Variants in UPRT observed in about 807,000 individuals in gnomAD.
UPRT encodes RP11-311P8.3.
Under a neutral mutation model 22.6 loss-of-function variants are expected in UPRT, and 5 were observed. The ratio of observed to expected loss-of-function variants is 0.22; its 90% CI spans 0.12 to 0.47. UPRT has a LOEUF of 0.47. Ranked by LOEUF, UPRT falls within the 20% of genes least tolerant of loss-of-function variation. The pLI, the probability that UPRT is intolerant of heterozygous loss-of-function variation, is 0.99. For missense variants in UPRT, 181 were observed against 239.9 expected, an observed-to-expected ratio of 0.75 and a Z score of 1.62; for synonymous variants, 77 against 87.7, an observed-to-expected ratio of 0.88 and a Z score of 0.68.
chrX:75,285,512 G>A (rs988920497), intron 1 of UPRT: 4 of 111,642 alleles, frequency 3.6e-5, no homozygotes, highest in South Asian at 3.8e-4. Flanking sequence ...TCTCTAAATT[G>A]ACTCAGCTCC....
chrX:75,265,575 A>G (rs1393429494), intron 4 of UPRT, among the ~76,000 whole-genome samples: 1 of 111,288 alleles, frequency 9.0e-6, no homozygotes, highest in Non-Finnish European at 1.9e-5. Context: ...CTAGTTATCC[A>G]TTTGTCTAAT....
chrX:75,188,604 G>A (rs1406690741), intron 4 of UPRT, among the ~76,000 whole-genome samples: 3 of 112,584 alleles, frequency 2.7e-5, no homozygotes, highest in Non-Finnish European at 5.6e-5. Flanking sequence ...GGGCAATGGC[G>A]GGCGCCCCTC....
At chrX:75,240,972 A>T (rs906740235) in intron 4 of UPRT, among the ~76,000 whole-genome samples, 2 of 111,821 alleles carry the variant, frequency 1.8e-5, no homozygotes, top group African/African-American at 6.5e-5. Flanking sequence ...ACACCAAAAA[A>T]TTCTAGAAGA....
chrX:75,235,657 A>G (rs990469668), intron 4 of UPRT, among the ~76,000 whole-genome samples: 1 of 111,996 alleles, frequency 8.9e-6, no homozygotes, highest in African/African-American at 3.2e-5. Flanking sequence ...GCAAATCAAT[A>G]AATGTAATCC....
chrX:75,202,425 G>A (rs2082349639), intron 4 of UPRT, among the ~76,000 whole-genome samples: 1 of 110,839 alleles, frequency 9.0e-6, no homozygotes, highest in African/African-American at 3.3e-5. Flanking sequence ...AGCATAGAGG[G>A]ACCCTGTCTC....
intron 1 of UPRT, among the ~76,000 whole-genome samples, chrX:75,284,707 G>C (rs918679476): frequency 4.5e-5 from 5 of 111,541 alleles, no homozygotes; most frequent in African/African-American, 6.5e-5. Flanking sequence ...GTGGCAGGGG[G>C]GGGTGCAGTG....
chrX:75,166,647 C>A (rs141970862), intron 3 of UPRT, among the ~76,000 whole-genome samples: 1,234 of 111,504 alleles, frequency 0.011, 19 homozygotes, highest in African/African-American at 0.039. Context: ...ATGAACAATT[C>A]TATGAATTCT....
intron 4 of UPRT, among the ~76,000 whole-genome samples, chrX:75,191,484 C>T (rs2082314923): frequency 3.2e-5 from 1 of 31,291 alleles, no homozygotes; most frequent in Non-Finnish European, 8.5e-5. Flanking sequence ...TTACTCTCTT[C>T]ACAGCTGTCA....
intron 3 of UPRT, among the ~76,000 whole-genome samples, chrX:75,164,700 G>A (rs7876108): frequency 1.8e-5 from 2 of 111,061 alleles, no homozygotes; most frequent in Non-Finnish European, 3.8e-5. Context: ...TGATGGTTGC[G>A]AAACTCCATG....
intron 1 of UPRT, among the ~76,000 whole-genome samples, chrX:75,280,684 T>C (rs1328879682): frequency 8.9e-6 from 1 of 111,950 alleles, no homozygotes; most frequent in Non-Finnish European, 1.9e-5. Flanking sequence ...CCTTATAGTA[T>C]AGTTTGAAAT....
At chrX:75,248,083 C>A (rs902938482) in intron 4 of UPRT, among the ~76,000 whole-genome samples, 22 of 111,431 alleles carry the variant, frequency 2.0e-4, no homozygotes, top group African/African-American at 6.5e-4. Context: ...TCTTCAAAGA[C>A]CAAAGGTAGA....
rs1602475833 is a variant in UPRT at position 75,253,687 on chromosome X, C to T, written c.-446-37337C>T. On this transcript the variant is annotated intron_variant, in intron 4 of 13. Transcript: ENST00000652605. ...AGGTAACCTAAGAGGACCCACAGAC[C>T]CTCTGAAGGAAGCAGATTGCCCCTG... is the stretch of plus-strand genomic sequence containing the variant. Among the ~76,000 whole-genome samples the T allele has an allele frequency of 2.7e-5, 3 of 111,844 alleles. No individual in the cohort carries two copies. In the South Asian group the frequency reaches 1.1e-3, roughly 42 times the overall value.
At chrX:75,299,380 G>C (rs1175073871) in intron 4 of UPRT, among the ~76,000 whole-genome samples, 2 of 111,808 alleles carry the variant, frequency 1.8e-5, no homozygotes, top group Admixed American at 1.9e-4. Context: ...TGGTTTAAAG[G>C]CTTCTTTAAA....
At chrX:75,193,164 T>C (rs2082321586) in intron 4 of UPRT, among the ~76,000 whole-genome samples, 1 of 112,214 alleles carries the variant, frequency 8.9e-6, no homozygotes, top group Non-Finnish European at 1.9e-5. Flanking sequence ...GTACTGGTAG[T>C]AATAAATTCC....
chrX:75,240,588 T>G (rs1195105011), intron 4 of UPRT, among the ~76,000 whole-genome samples: 1 of 111,183 alleles, frequency 9.0e-6, no homozygotes, highest in African/African-American at 3.3e-5. Flanking sequence ...ATTCTAAAAT[T>G]TATATGGAAC....
intron 1 of UPRT, among the ~76,000 whole-genome samples, chrX:75,276,069 A>G (rs1454882565): frequency 9.0e-6 from 1 of 111,214 alleles, no homozygotes; most frequent in Non-Finnish European, 1.9e-5. Flanking sequence ...TCTGAAACAT[A>G]TCTGTTTCTG....
intron 5 of UPRT, 86 bp from the exon 6 acceptor site, chrX:75,300,781 T>C: frequency 1.4e-6 from 1 of 738,169 alleles, no homozygotes; most frequent in Non-Finnish European, 2.0e-6. Context: ...AGTGATTCCC[T>C]GTCCCCCCTC....
At chrX:75,262,177 C>G (rs1206277035) in intron 4 of UPRT, among the ~76,000 whole-genome samples, 1 of 111,331 alleles carries the variant, frequency 9.0e-6, no homozygotes, top group South Asian at 3.8e-4. Context: ...TCATATCCAG[C>G]CAAACTAAGC....
At chrX:75,230,422 G>A (rs1020948977) in intron 4 of UPRT, among the ~76,000 whole-genome samples, 1 of 111,483 alleles carries the variant, frequency 9.0e-6, no homozygotes, top group African/African-American at 3.3e-5. Context: ...GGCCAACATA[G>A]GGCAAGATTA....
Sources: gnomAD v4.1 joint callset for allele counts (sites outside exome capture counted in the v4.1 genomes callset) on GRCh38, gnomAD v4.1.1 for gene constraint, MANE v1.5 for transcripts, NCBI Gene and HGNC (gene_info 2026-07-23, HGNC 2026-07-21) for gene names.